BRIP1: variants seen among roughly 807,000 people sequenced by gnomAD.
BRIP1 encodes the protein Fanconi anemia group J protein.
Under a neutral mutation model 119.7 loss-of-function variants are expected in BRIP1, and 88 were observed. That is an observed-to-expected ratio of 0.74 (90% CI 0.62 to 0.88). The LOEUF (loss-of-function observed/expected upper bound fraction) is 0.88, where lower values mean the gene tolerates loss of function less well. Among genes scored for constraint, BRIP1 ranks in the 40% least tolerant of loss-of-function variants. BRIP1 has a pLI of 0.00. For missense variants in BRIP1, 1,259 were observed against 1,455.4 expected (o/e 0.87, Z 2.20); for synonymous variants, 443 against 496.5 (o/e 0.89, Z 1.43).
In BRIP1 at chr17:61,789,857, C is replaced by T. The variant is rs1285041820; in HGVS notation, c.1473+3740G>A. 1.3e-5 allele frequency among the ~76,000 whole-genome samples: 2 copies of T among 152,142 alleles called. No homozygotes were observed. Among genetic ancestry groups the T allele is most frequent in the Non-Finnish European group, 2.9e-5 (2 of 68,012 alleles). On this transcript the variant is annotated intron_variant, in intron 10 of 19. Transcript: ENST00000259008. The surrounding 1 kb of genome is among the most constrained non-coding windows in gnomAD (Gnocchi z 4.8). ...ATAAGTAGACATAAATCACAATGTTCACAATGTTCATCTTTGAGTTTATGA... is the reference window on the plus strand; with the variant it reads ...ATAAGTAGACATAAATCACAATGTTTACAATGTTCATCTTTGAGTTTATGA...
chr17:61,823,732 G>A lies in BRIP1; in HGVS notation c.628-14975C>T, dbSNP rs1048110215. On this transcript the variant is annotated intron_variant, in intron 6 of 19. Transcript: ENST00000259008. This position sits in a 1 kb window ranked among gnomAD's most constrained non-coding sequence, Gnocchi z 4.8. The stretch of plus-strand genomic sequence containing the variant: ...AACTATAAAACCATAGATCCAAAAA[G>A]CTCAATGACCCCAAGCACACAATAA... Among the ~76,000 whole-genome samples, 1 of 148,716 alleles carries A rather than the reference G, an allele frequency of 6.7e-6. No homozygotes were observed. The highest frequency in any genetic ancestry group is 1.5e-5 in the Non-Finnish European group (1 of 67,594).
chr17:61,695,148 T>A lies in BRIP1; in HGVS notation c.2493-1636A>T, dbSNP rs191675850. On this transcript the variant is annotated intron_variant, in intron 17 of 19. Coordinates refer to ENST00000259008, the MANE Select transcript of BRIP1 (RefSeq NM_032043.3). The surrounding 1 kb of genome is among the most constrained non-coding windows in gnomAD (Gnocchi z 4.3). ...TGTTTTTGCCTTTTTCTGTCTTTGA[T>A]CCACTTTGAGTTAACTTTTGTATAT... 1.2e-4 allele frequency among the ~76,000 whole-genome samples: 18 copies of A among 152,218 alleles called. No homozygotes were observed. The highest frequency in any genetic ancestry group is 3.8e-4 in the African/African-American group (16 of 41,572).
intron 17 of BRIP1, among the ~76,000 whole-genome samples, chr17:61,707,933 G>A (rs996133039): frequency 1.3e-5 from 2 of 150,364 alleles, no homozygotes; most frequent in African/African-American, 4.9e-5. Context: ...TGCAACCTCC[G>A]CCTCCCAGGT....
At chr17:61,791,091 T>C (rs192376676) in intron 10 of BRIP1, among the ~76,000 whole-genome samples, 1 of 152,216 alleles carries the variant, frequency 6.6e-6, no homozygotes, top group Non-Finnish European at 1.5e-5. Context: ...TATGTTTTAA[T>C]AGTCACATGC....
At position 61,720,979 on chromosome 17, in the gene BRIP1, C is replaced by T. The variant is rs1479087377; in HGVS notation, c.2380-4916G>A. 2.0e-5 allele frequency among the ~76,000 whole-genome samples: 3 copies of T among 151,852 alleles called. No individual in the cohort carries two copies. In the East Asian group the frequency reaches 5.9e-4, roughly 30 times the overall value. On this transcript the variant is annotated intron_variant, in intron 16 of 19. Coordinates refer to ENST00000259008, the MANE Select transcript of BRIP1 (RefSeq NM_032043.3). This position sits in a 1 kb window ranked among gnomAD's most constrained non-coding sequence, Gnocchi z 4.3. The stretch of plus-strand genomic sequence containing the variant: ...CTCTCAGCCTCCCAAGTAGCTGGGA[C>T]TACAGGCGGCCGCCACCATGCCTAG...
At position 61,793,805 on chromosome 17, in the gene BRIP1, C is replaced by T. The variant is rs2077859009; in HGVS notation, c.1341-76G>A. ...TATTTCAGCAGAACAAGAGAATCATCATTATTGTCATGCGTTGATCTGTAT... is the reference window on the plus strand; with the variant it reads ...TATTTCAGCAGAACAAGAGAATCATTATTATTGTCATGCGTTGATCTGTAT... On this transcript the variant is annotated intron_variant, in intron 9 of 19. Coordinates refer to ENST00000259008, the MANE Select transcript of BRIP1 (RefSeq NM_032043.3). The surrounding 1 kb of genome is among the most constrained non-coding windows in gnomAD (Gnocchi z 5.2). The T allele has an allele frequency of 1.4e-6, 2 of 1,442,948 alleles. No homozygotes were observed. The highest frequency in any genetic ancestry group is 1.9e-5 in the Admixed American group (1 of 53,734). The allele number at this position is 1,442,948 out of a possible 1,614,324, so 89.4% of individuals were successfully genotyped here.
chr17:61,711,222 A>G (rs1412317359), intron 17 of BRIP1, among the ~76,000 whole-genome samples: 1 of 152,134 alleles, frequency 6.6e-6, no homozygotes, highest in Non-Finnish European at 1.5e-5. Context: ...TCTGTTTCAC[A>G]TGGTTTCTTG....
Position 61,722,382 on chromosome 17 carries a change from C to T in BRIP1, c.2380-6319G>A, listed in dbSNP as rs1349753643. ...GGGCAACATAAGTAGTAAATGATAA[C>T]ATAACACCATAGTAAATATTAGATG... On this transcript the variant is annotated intron_variant, in intron 16 of 19. Transcript: ENST00000259008. This position sits in a 1 kb window ranked among gnomAD's most constrained non-coding sequence, Gnocchi z 4.6. Among the ~76,000 whole-genome samples, 1 of 152,112 alleles carries T rather than the reference C, an allele frequency of 6.6e-6. No individual in the cohort carries two copies. The highest frequency in any genetic ancestry group is 1.9e-4 in the East Asian group (1 of 5,186).
In BRIP1 at chr17:61,809,016, T is replaced by C. The variant is rs2078123631; in HGVS notation, c.628-259A>G. On this transcript the variant is annotated intron_variant, in intron 6 of 19. Coordinates refer to ENST00000259008, the MANE Select transcript of BRIP1 (RefSeq NM_032043.3). The surrounding 1 kb of genome is among the most constrained non-coding windows in gnomAD (Gnocchi z 5.2). ...CAACATACCACTCTAACTCTCCAATTCCAAATGTTTTGAGTACATTTTAAC... is the reference window on the plus strand; with the variant it reads ...CAACATACCACTCTAACTCTCCAATCCCAAATGTTTTGAGTACATTTTAAC... Among the ~76,000 whole-genome samples, 1 of 152,158 alleles carries C rather than the reference T, an allele frequency of 6.6e-6. No individual in the cohort carries two copies. The highest frequency in any genetic ancestry group is 1.5e-5 in the Non-Finnish European group (1 of 68,020).
chr17:61,781,688 C>T (rs1010328544), intron 11 of BRIP1, among the ~76,000 whole-genome samples: 4 of 151,850 alleles, frequency 2.6e-5, no homozygotes, highest in African/African-American at 4.8e-5. Context: ...TTTGGGAGGC[C>T]GAGGCAGGTG....
chr17:61,817,492 CAT>C (rs1228551193), intron 6 of BRIP1, among the ~76,000 whole-genome samples: 1 of 152,114 alleles, frequency 6.6e-6, no homozygotes, highest in Non-Finnish European at 1.5e-5. Context: ...AAACATATGA[CAT>C]AGAGATTTGT....
At position 61,680,119 on chromosome 17, in the gene BRIP1, G is replaced by A. The variant is rs1015123902; in HGVS notation, c.*3177C>T. Among the ~76,000 whole-genome samples the A allele has an allele frequency of 6.7e-6, 1 of 150,260 alleles. No homozygotes were observed. The highest frequency in any genetic ancestry group is 1.5e-5 in the Non-Finnish European group (1 of 67,770). ...ACACTTTGGGAGGCCGAGGTGGGCAGATCACTTGAGGTCAGGAGTTTGAGA... is the reference window on the plus strand; with the variant it reads ...ACACTTTGGGAGGCCGAGGTGGGCAAATCACTTGAGGTCAGGAGTTTGAGA... On this transcript the variant is annotated 3_prime_UTR_variant, in exon 20 of 20. Transcript: ENST00000259008.
At position 61,823,651 on chromosome 17, in the gene BRIP1, A is replaced by C. The variant is rs1452691127; in HGVS notation, c.628-14894T>G. 2.0e-5 allele frequency among the ~76,000 whole-genome samples: 3 copies of C among 152,148 alleles called. No homozygotes were observed. Among genetic ancestry groups the C allele is most frequent in the Non-Finnish European group, 4.4e-5 (3 of 68,028 alleles). On this transcript the variant is annotated intron_variant, in intron 6 of 19. Transcript: ENST00000259008. The surrounding 1 kb of genome is among the most constrained non-coding windows in gnomAD (Gnocchi z 4.8). ...CATAATTGAAGTCTGAAAGGAAAAA[A>C]ATGAGTACTTAAGAAAATATTTTTA...
rs529710126 is a variant in BRIP1, at chr17:61,791,488, C to CAAAAAAAAAAAAA, written c.1473+2096_1473+2108dup. On this transcript the variant is annotated intron_variant, in intron 10 of 19. Coordinates refer to ENST00000259008, the MANE Select transcript of BRIP1 (RefSeq NM_032043.3). Reference sequence around the variant, plus strand: ...TGGGCAACAGAGTGAGACTTCATCTCAAAAAAAAAAAAAAAAAAAAAAGAA... The same window carrying CAAAAAAAAAAAAA: ...TGGGCAACAGAGTGAGACTTCATCTCAAAAAAAAAAAAAAAAAAAAAAAAAAAAAAAAAAAGAA... 6.8e-4 allele frequency among the ~76,000 whole-genome samples: 36 copies of CAAAAAAAAAAAAA among 52,916 alleles called. 3 individuals are homozygous for CAAAAAAAAAAAAA. The highest frequency in any genetic ancestry group is 2.3e-3 in the African/African-American group (28 of 12,124). 34.7% of individuals were successfully genotyped at this position (52,916 alleles called of 152,430 possible).
At position 61,730,967 on chromosome 17, in the gene BRIP1, A is replaced by AT. The variant is rs1240767420; in HGVS notation, c.2379+12045dup. Among the ~76,000 whole-genome samples the AT allele has an allele frequency of 6.6e-6, 1 of 152,038 alleles. No individual in the cohort carries two copies. The highest frequency in any genetic ancestry group is 1.5e-5 in the Non-Finnish European group (1 of 68,010). On this transcript the variant is annotated intron_variant, in intron 16 of 19. Coordinates refer to ENST00000259008, the MANE Select transcript of BRIP1 (RefSeq NM_032043.3). The surrounding 1 kb of genome is among the most constrained non-coding windows in gnomAD (Gnocchi z 4.3). ...ACTCATTTTTTGCTGGCCAAGGTAA[A>AT]TATACAATTTATTAACCTAGACAGC...
In BRIP1 at chr17:61,780,238, C is replaced by T. The variant is rs1470901353; in HGVS notation, c.1935+23G>A. On this transcript the variant is annotated intron_variant, in intron 13 of 19. Coordinates refer to ENST00000259008, the MANE Select transcript of BRIP1 (RefSeq NM_032043.3). The surrounding 1 kb of genome is among the most constrained non-coding windows in gnomAD (Gnocchi z 5.4). ...TGAAGTAGAAACACTGAAGGCCTTC[C>T]AAAAAAAAAAACAACAACTAACCTG... is the stretch of plus-strand genomic sequence containing the variant. The T allele has an allele frequency of 2.6e-5, 34 of 1,296,132 alleles. No individual in the cohort carries two copies. The highest frequency in any genetic ancestry group is 1.4e-4 in the Admixed American group (7 of 50,416). 80.3% of individuals were successfully genotyped at this position (1,296,132 alleles called of 1,614,324 possible).
Position 61,739,355 on chromosome 17 carries a change from T to C in BRIP1, c.2379+3658A>G. 1 of 196,280 alleles carries C rather than the reference T, an allele frequency of 5.1e-6. No homozygotes were observed. The highest frequency in any genetic ancestry group is 1.1e-5 in the Non-Finnish European group (1 of 94,350). 12.2% of individuals were successfully genotyped at this position (196,280 alleles called of 1,614,324 possible). On this transcript the variant is annotated intron_variant, in intron 16 of 19. Coordinates refer to ENST00000259008, the MANE Select transcript of BRIP1 (RefSeq NM_032043.3). The surrounding 1 kb of genome is among the most constrained non-coding windows in gnomAD (Gnocchi z 6.0). ...CAAGGCAGCATCAGCCATTTTAGAA[T>C]AGGAGACCCAGCTTTGGGCATAGCC...
rs28997573 is a variant in BRIP1 at position 61,683,602 on chromosome 17, G to T, written c.3444C>A (p.Asp1148Glu). ...TATTTCCTCTATCAGTTTCAGCTAG[G>T]TCATTTTTTTCTTCATCTGTATCTT... ...DPEDTDEEKNDLAETDRGNRL... is the reference protein window; with the variant it reads ...DPEDTDEEKNELAETDRGNRL... Residue 1148 changes from aspartate (D) to glutamate (E), a missense_variant, in exon 20 of 20, where the codon GAC becomes GAA. Physicochemically the swap from Asp to Glu is conservative, Grantham distance 45. This residue lies in a region of BRIP1 where 753 missense variants were observed against 891.8 expected (regional missense o/e 0.84). Transcript: ENST00000259008. This position sits in a 1 kb window ranked among gnomAD's most constrained non-coding sequence, Gnocchi z 4.7. 2.4e-4 allele frequency: 392 copies of T among 1,611,912 alleles called. 1 individual carries two copies. The highest frequency in any genetic ancestry group is 3.2e-4 in the Non-Finnish European group (377 of 1,179,820).
In BRIP1 at chr17:61,848,185, TTTA is replaced by T. The variant is rs1259985054; in HGVS notation, c.507+941_507+943del. On this transcript the variant is annotated intron_variant, in intron 5 of 19. Coordinates refer to ENST00000259008, the MANE Select transcript of BRIP1 (RefSeq NM_032043.3). This position sits in a 1 kb window ranked among gnomAD's most constrained non-coding sequence, Gnocchi z 4.3. ...TTTTTTTATTTTATGTTTTTATTTATTTATTTTTTAGAGACAGGGTCTTGCTCT... is the reference window on the plus strand; with the variant it reads ...TTTTTTTATTTTATGTTTTTATTTATTTTTTTAGAGACAGGGTCTTGCTCT... Among the ~76,000 whole-genome samples the T allele has an allele frequency of 9.8e-6, 1 of 101,634 alleles. No homozygotes were observed. The highest frequency in any genetic ancestry group is 3.0e-5 in the African/African-American group (1 of 33,044). The allele number at this position is 101,634 out of a possible 152,430, so 66.7% of individuals were successfully genotyped here.
Sources: allele counts gnomAD v4.1 joint callset (sites outside exome capture counted in the v4.1 genomes callset), GRCh38; gene constraint gnomAD v4.1.1; regional missense constraint gnomAD v4.1.1; non-coding constraint Gnocchi (gnomAD v3.1); transcripts MANE v1.5; gene names NCBI Gene and HGNC (gene_info 2026-07-23, HGNC 2026-07-21).